The following CKMT2 variants were observed in gnomAD, a reference collection of about 807,000 sequenced individuals.
CKMT2 encodes the protein creatine kinase, mitochondrial 2, also known as creatine kinase S-type, mitochondrial.
CKMT2 carries 43 observed loss-of-function variants against 48.9 expected under a neutral mutation model. The observed-to-expected ratio is 0.88, with a 90% CI of 0.69 to 1.13. The LOEUF is 1.13. Ranked by LOEUF, CKMT2 falls within the 50% of genes most tolerant of loss-of-function variation. The probability of loss-of-function intolerance (pLI) is 0.00; values close to 1 mark genes in which losing one functional copy is unlikely to be tolerated. For missense variants in CKMT2, 472 were observed against 555.4 expected, an observed-to-expected ratio of 0.85 and a Z score of 1.51; for synonymous variants, 206 against 213.0, an observed-to-expected ratio of 0.97 and a Z score of 0.29.
At chr5:81,234,956 A>G (rs943329740) in intron 1 of CKMT2, among the ~76,000 whole-genome samples, 1 of 152,158 alleles carries the variant, frequency 6.6e-6, no homozygotes, top group Non-Finnish European at 1.5e-5. Flanking sequence ...TCCAGCAGCA[A>G]CCCATGCTGA....
At chr5:81,263,173 T>TG (rs1475233866) in intron 8 of CKMT2, among the ~76,000 whole-genome samples, 1 of 65,904 alleles carries the variant, frequency 1.5e-5, no homozygotes, top group Non-Finnish European at 3.1e-5. Flanking sequence ...TGGGGCCAGT[T>TG]GGGGGGTGGG....
intron 8 of CKMT2, among the ~76,000 whole-genome samples, chr5:81,259,752 A>C (rs1757144691): frequency 6.6e-6 from 1 of 152,158 alleles, no homozygotes; most frequent in Non-Finnish European, 1.5e-5. Flanking sequence ...CTACAATGAG[A>C]CTTAGACTCC....
intron 1 of CKMT2, chr5:81,244,082 C>G: frequency 1.0e-6 from 1 of 985,374 alleles, no homozygotes; most frequent in Non-Finnish European, 1.2e-6. Context: ...TCACACTAAA[C>G]GGGTTGGGGA....
At chr5:81,250,975 AC>A in intron 1 of CKMT2, 137 bp from the exon 2 acceptor site, 1 of 669,400 alleles carries the variant, frequency 1.5e-6, no homozygotes, top group Non-Finnish European at 2.6e-6. Flanking sequence ...ACACACACAC[AC>A]ACAGAAAGAG....
rs1580445562 is a variant in CKMT2, at chr5:81,251,543, G to A, written c.152+259G>A. 3.3e-5 allele frequency among the ~76,000 whole-genome samples: 5 copies of A among 152,050 alleles called. No homozygotes were observed. In the South Asian group the frequency reaches 8.3e-4, roughly 25 times the overall value. On this transcript the variant is annotated intron_variant, in intron 2 of 9. Coordinates refer to ENST00000254035, the MANE Select transcript of CKMT2 (RefSeq NM_001099735.2). ...GCGGAGGTTGTTGTGAGCCGAGATC[G>A]CGCCACTGCACTCCAGCCTGGCAAC... is the stretch of plus-strand genomic sequence containing the variant.
intron 8 of CKMT2, among the ~76,000 whole-genome samples, chr5:81,262,736 TAAATTAGTTCAACCATTATGGAAG>T (rs1193783267): frequency 6.6e-6 from 1 of 152,136 alleles, no homozygotes; most frequent in Non-Finnish European, 1.5e-5. Context: ...GGTGGGAGTG[TAAATTAGTTCAACCATTATGGAAG>T]ACAGTGTGGC....
chr5:81,263,428 G>C, intron 8 of CKMT2, 63 bp from the exon 9 acceptor site: 2 of 1,295,400 alleles, frequency 1.5e-6, no homozygotes, highest in Non-Finnish European at 1.0e-6. Flanking sequence ...GTCAGTAAAC[G>C]CACCAATGAT....
At chr5:81,265,770 A>G (rs936652973) in intron 9 of CKMT2, among the ~76,000 whole-genome samples, 26 of 152,208 alleles carry the variant, frequency 1.7e-4, no homozygotes, top group African/African-American at 5.8e-4. Flanking sequence ...TCCAGTGCTC[A>G]GATAGATTAG....
chr5:81,254,113 T>G (rs1756914664), intron 3 of CKMT2, among the ~76,000 whole-genome samples: 1 of 152,210 alleles, frequency 6.6e-6, no homozygotes, highest in Admixed American at 6.5e-5. Context: ...GGCAGTGATT[T>G]TGGCAGAATC....
chr5:81,235,344 C>A lies in CKMT2; in HGVS notation c.-21+1967C>A, dbSNP rs914306777. Reference sequence around the variant, plus strand: ...ACTGGGAGGAGACAGGCATTTTCTGCGGCCTAGGAGCCTGGCATCGTGAGA... The same window carrying A: ...ACTGGGAGGAGACAGGCATTTTCTGAGGCCTAGGAGCCTGGCATCGTGAGA... On this transcript the variant is annotated intron_variant, in intron 1 of 9. Coordinates refer to ENST00000254035, the MANE Select transcript of CKMT2 (RefSeq NM_001099735.2). Among the ~76,000 whole-genome samples, 3 of 152,168 alleles carry A rather than the reference C, an allele frequency of 2.0e-5. No homozygotes were observed. The East Asian group carries it at 5.8e-4, about 29-fold the overall frequency.
At chr5:81,260,828 C>T (rs1757196890) in intron 8 of CKMT2, among the ~76,000 whole-genome samples, 1 of 152,132 alleles carries the variant, frequency 6.6e-6, no homozygotes, top group Admixed American at 6.5e-5. Flanking sequence ...CTATTCCAAA[C>T]AATAGAAAAA....
At chr5:81,245,989 G>A (rs550140604) in intron 1 of CKMT2, among the ~76,000 whole-genome samples, 1 of 152,110 alleles carries the variant, frequency 6.6e-6, no homozygotes, top group Admixed American at 6.5e-5. Context: ...TGTCAGCACT[G>A]CCCCAGAATA....
At chr5:81,263,428 G>A (rs534839435) in intron 8 of CKMT2, 63 bp from the exon 9 acceptor site, 194 of 1,295,394 alleles carry the variant, frequency 1.5e-4, no homozygotes, top group African/African-American at 1.1e-3. Context: ...GTCAGTAAAC[G>A]CACCAATGAT....
intron 8 of CKMT2, among the ~76,000 whole-genome samples, chr5:81,262,019 G>T (rs1757241281): frequency 6.6e-6 from 1 of 152,026 alleles, no homozygotes; most frequent in Non-Finnish European, 1.5e-5. Flanking sequence ...ACATACAGAG[G>T]CCCCAGAAAT....
chr5:81,251,254 T>A lies in CKMT2; in HGVS notation c.122T>A (p.Val41Asp). 1 of 1,614,032 alleles carries A rather than the reference T, an allele frequency of 6.2e-7. No individual in the cohort carries two copies. The highest frequency in any genetic ancestry group is 8.5e-7 in the Non-Finnish European group (1 of 1,179,994). Residue 41 changes from valine to aspartate, a missense_variant, in exon 2 of 10, where the codon GTC becomes GAC. Val to Asp is a radical substitution (Grantham distance 152). Transcript: ENST00000254035. ...LLNRQKVCAE[V>D]REQPRLFPPS... Reference sequence around the variant, plus strand: ...AACCGGCAGAAAGTGTGTGCCGAGGTCCGGGAGCAGCCTAGGCTATTTCCT... The same window carrying A: ...AACCGGCAGAAAGTGTGTGCCGAGGACCGGGAGCAGCCTAGGCTATTTCCT...
chr5:81,263,635 T>A lies in CKMT2; in HGVS notation c.1140+19T>A. On this transcript the variant is annotated intron_variant, in intron 9 of 9. Transcript: ENST00000254035. ...ATCAGAGGTAACGTCTCTCTCACTT[T>A]CCTAACATGAACTAACAAAATCAGC... 1 of 1,591,234 alleles carries A rather than the reference T, an allele frequency of 6.3e-7. No individual in the cohort carries two copies. The highest frequency in any genetic ancestry group is 8.6e-7 in the Non-Finnish European group (1 of 1,166,106).
intron 1 of CKMT2, chr5:81,250,853 T>C (rs531585922): frequency 4.1e-6 from 1 of 245,280 alleles, no homozygotes; most frequent in Admixed American, 5.2e-5. Flanking sequence ...AGAAAAGGCA[T>C]GGAATTCAGA....
intron 9 of CKMT2, among the ~76,000 whole-genome samples, chr5:81,265,819 C>T (rs887143262): frequency 1.3e-5 from 2 of 152,080 alleles, no homozygotes; most frequent in Non-Finnish European, 2.9e-5. Context: ...AAGAATAACA[C>T]GAGGGTGTCA....
intron 8 of CKMT2, among the ~76,000 whole-genome samples, chr5:81,261,211 A>G (rs753105559): frequency 1.2e-4 from 18 of 152,342 alleles, no homozygotes; most frequent in African/African-American, 2.2e-4. Context: ...TTGATGGAAC[A>G]TATCTCAAAA....
Sources: allele counts gnomAD v4.1 joint callset (sites outside exome capture counted in the v4.1 genomes callset), GRCh38; gene constraint gnomAD v4.1.1; transcripts MANE v1.5; gene names NCBI Gene and HGNC (gene_info 2026-07-23, HGNC 2026-07-21).